The following PCDHA8 variants were observed in gnomAD, a reference collection of about 807,000 sequenced individuals.
PCDHA8 encodes the protein protocadherin alpha-8.
In PCDHA8, 53 loss-of-function variants were observed where a neutral mutation model predicts 61.8. That is an observed-to-expected ratio of 0.86 (90% CI 0.69 to 1.08). The LOEUF is 1.08. PCDHA8 is among the 50% of genes least tolerant of loss of function. PCDHA8 has a pLI of 0.00. For synonymous variants in PCDHA8, 618 were observed against 556.6 expected, an observed-to-expected ratio of 1.11 and a Z score of -1.55; for missense variants, 1,293 against 1,245.0, an observed-to-expected ratio of 1.04 and a Z score of -0.58.
At chr5:140,893,548 C>T (rs2064047739) in intron 1 of PCDHA8, among the ~76,000 whole-genome samples, 1 of 152,126 alleles carries the variant, frequency 6.6e-6, no homozygotes, top group Non-Finnish European at 1.5e-5. Flanking sequence ...TAGGACTTAT[C>T]TAGTTGTAGT....
At chr5:140,957,726 A>T (rs1297510940) in intron 1 of PCDHA8, among the ~76,000 whole-genome samples, 4 of 152,164 alleles carry the variant, frequency 2.6e-5, no homozygotes, top group Non-Finnish European at 5.9e-5. Flanking sequence ...AAGAAGCAGA[A>T]TTATATATAC....
intron 1 of PCDHA8, chr5:140,870,556 G>A (rs782048917): frequency 8.1e-6 from 13 of 1,614,038 alleles, no homozygotes; most frequent in Middle Eastern, 1.7e-4. Flanking sequence ...GGACGCGCAG[G>A]AGAACGCGCT....
Position 140,879,336 on chromosome 5 carries a change from AG to A in PCDHA8, c.2394+35622del, listed in dbSNP as rs1391403992. Among the ~76,000 whole-genome samples, 16 of 152,362 alleles carry A rather than the reference AG, an allele frequency of 1.1e-4. No individual in the cohort carries two copies. In the East Asian group the frequency reaches 2.9e-3, roughly 28 times the overall value. ...TGACTCTCACTTTTTTAGTTTGTTC[AG>A]CTGAGAAGATGACATTGCCATTAAC... On this transcript the variant is annotated intron_variant, in intron 1 of 3. Transcript: ENST00000531613.
At position 140,876,890 on chromosome 5, in the gene PCDHA8, A is replaced by G. The variant is rs373414098; in HGVS notation, c.2394+33175A>G. On this transcript the variant is annotated intron_variant, in intron 1 of 3. Coordinates refer to ENST00000531613, the MANE Select transcript of PCDHA8 (RefSeq NM_018911.3). ...AAGGAGAACAACCCGCCGGGCTGCC[A>G]CATCTTCACGGTGTCGGCATGGGAC... The G allele has an allele frequency of 4.0e-5, 65 of 1,613,968 alleles. No individual in the cohort carries two copies. In the African/African-American group the frequency reaches 8.1e-4, roughly 20 times the overall value.
intron 1 of PCDHA8, among the ~76,000 whole-genome samples, chr5:140,885,790 G>T (rs141648269): frequency 0.012 from 1,822 of 152,058 alleles, 11 homozygotes; most frequent in Non-Finnish European, 0.018. Context: ...TGAGCATATT[G>T]TCATATGTAT....
Position 141,009,722 on chromosome 5 carries a change from G to T in PCDHA8, c.2638G>T (p.Gly880Cys), listed in dbSNP as rs552954748. 6.8e-6 allele frequency: 11 copies of T among 1,614,022 alleles called. No individual in the cohort carries two copies. The highest frequency in any genetic ancestry group is 9.3e-6 in the Non-Finnish European group (11 of 1,180,046). Residue 880 changes from glycine (G) to cysteine (C), a missense_variant, in exon 4 of 4, where the codon GGT becomes TGT. Gly to Cys is a radical substitution (Grantham distance 159). Transcript: ENST00000531613. ...CGGACCAGGCAACCCCAAACAATCC[G>T]GTCCCGGTGAGTTGCCCGACAAATT... ...KYGPGNPKQS[G>C]PGELPDKFII...
chr5:140,933,159 A>G (rs565076666), intron 1 of PCDHA8, among the ~76,000 whole-genome samples: 67 of 152,098 alleles, frequency 4.4e-4, no homozygotes, highest in African/African-American at 1.3e-3. Flanking sequence ...TTTGTTCCCA[A>G]TTTTAATTGA....
rs781902121 is a variant in PCDHA8 at position 140,870,112 on chromosome 5, G to A, written c.2394+26397G>A. The A allele has an allele frequency of 1.2e-6, 2 of 1,613,938 alleles. No individual in the cohort carries two copies. The highest frequency in any genetic ancestry group is 8.5e-7 in the Non-Finnish European group (1 of 1,179,896). ...AATGGCAGGTCACTGTACAGTCTGG[G>A]TGGAAATCTTGGACACCAACGATAA... On this transcript the variant is annotated intron_variant, in intron 1 of 3. Coordinates refer to ENST00000531613, the MANE Select transcript of PCDHA8 (RefSeq NM_018911.3).
At chr5:140,999,444 C>A (rs782553983) in intron 3 of PCDHA8, among the ~76,000 whole-genome samples, 25 of 152,210 alleles carry the variant, frequency 1.6e-4, no homozygotes, top group Non-Finnish European at 3.1e-4. Flanking sequence ...GCCTCTTATT[C>A]GTTCAACGAA....
chr5:140,980,085 T>C (rs1294414077), intron 2 of PCDHA8, among the ~76,000 whole-genome samples: 1 of 152,242 alleles, frequency 6.6e-6, no homozygotes, highest in Non-Finnish European at 1.5e-5. Context: ...AGATTAGTAG[T>C]TGGCTTGGTA....
At chr5:140,931,021 G>C (rs2153606770) in intron 1 of PCDHA8, among the ~76,000 whole-genome samples, 1 of 152,272 alleles carries the variant, frequency 6.6e-6, no homozygotes, top group Admixed American at 6.5e-5. Flanking sequence ...GGAATTTTCT[G>C]ATTGTAGAGC....
intron 1 of PCDHA8, chr5:140,854,223 C>A: frequency 1.1e-5 from 7 of 631,586 alleles, no homozygotes; most frequent in Non-Finnish European, 1.2e-5. Flanking sequence ...TGGACATCTA[C>A]ATTGGGATAT....
intron 1 of PCDHA8, among the ~76,000 whole-genome samples, chr5:140,900,435 G>A (rs1219799362): frequency 3.3e-5 from 5 of 152,088 alleles, no homozygotes; most frequent in African/African-American, 9.7e-5. Context: ...GTGCCACCAC[G>A]GCCGGCTAAT....
intron 1 of PCDHA8, among the ~76,000 whole-genome samples, chr5:140,926,157 C>T (rs1264983904): frequency 4.0e-5 from 6 of 151,736 alleles, no homozygotes; most frequent in Non-Finnish European, 8.8e-5. Flanking sequence ...GAAAGCTCTG[C>T]AGCAGGATCC....
chr5:140,854,725 G>GT (rs2043207581), intron 1 of PCDHA8: 1 of 149,714 alleles, frequency 6.7e-6, no homozygotes, highest in Non-Finnish European at 1.5e-5. Context: ...GAAAACTCAA[G>GT]TTTTTTTCAG....
intron 1 of PCDHA8, among the ~76,000 whole-genome samples, chr5:140,933,321 C>T (rs1266539168): frequency 2.6e-5 from 4 of 151,928 alleles, no homozygotes; most frequent in Non-Finnish European, 5.9e-5. Context: ...CTCGTATTCT[C>T]CTGTGCTGTA....
At chr5:140,954,356 CCA>C (rs1251664193) in intron 1 of PCDHA8, among the ~76,000 whole-genome samples, 1 of 152,152 alleles carries the variant, frequency 6.6e-6, no homozygotes, top group Non-Finnish European at 1.5e-5. Flanking sequence ...TGAGGAATCG[CCA>C]CACAGTCTCC....
At chr5:140,925,508 A>C (rs1244251216) in intron 1 of PCDHA8, among the ~76,000 whole-genome samples, 1 of 152,138 alleles carries the variant, frequency 6.6e-6, no homozygotes, top group African/African-American at 2.4e-5. Flanking sequence ...ATATCCACGC[A>C]AAAGACCAAA....
At chr5:140,968,094 A>T in intron 1 of PCDHA8, 1 of 1,614,138 alleles carries the variant, frequency 6.2e-7, no homozygotes, top group Non-Finnish European at 8.5e-7. Flanking sequence ...ACAGCCACAG[A>T]TGGGGGAATA....
Sources: allele counts gnomAD v4.1 joint callset (sites outside exome capture counted in the v4.1 genomes callset), GRCh38; gene constraint gnomAD v4.1.1; transcripts MANE v1.5; gene names NCBI Gene and HGNC (gene_info 2026-07-23, HGNC 2026-07-21).